The following FHIT variants were observed in gnomAD, a reference collection of about 807,000 sequenced individuals.
The protein encoded by FHIT is fragile histidine triad diadenosine triphosphatase, also known as bis(5'-adenosyl)-triphosphatase.
A neutral mutation model predicts 17.9 loss-of-function variants in FHIT; 19 were observed. The ratio of observed to expected loss-of-function variants is 1.06; its 90% confidence interval spans 0.74 to 1.56. The LOEUF is 1.56. Ranked by LOEUF, FHIT falls within the 40% of genes most tolerant of loss-of-function variation. The pLI is 0.00. For missense variants in FHIT, 248 were observed against 189.2 expected (o/e 1.31, Z -1.82); for synonymous variants, 81 against 69.7 (o/e 1.16, Z -0.81).
chr3:61,066,648 CA>C (rs1317332458), intron 2 of FHIT, among the ~76,000 whole-genome samples: 1 of 151,982 alleles, frequency 6.6e-6, no homozygotes, highest in Non-Finnish European at 1.5e-5. Flanking sequence ...AAGAAAACAG[CA>C]AAAAGTATTA....
intron 4 of FHIT, among the ~76,000 whole-genome samples, chr3:60,803,498 CCT>C (rs1385823850): frequency 6.6e-6 from 1 of 152,136 alleles, no homozygotes; most frequent in African/African-American, 2.4e-5. Flanking sequence ...AGTGATAATC[CCT>C]TAAGGACAAC....
chr3:60,034,269 A>G (rs566961120), intron 5 of FHIT, among the ~76,000 whole-genome samples: 1 of 152,246 alleles, frequency 6.6e-6, no homozygotes, highest in Non-Finnish European at 1.5e-5. Context: ...TGAACATGTC[A>G]TTCAGATGAA....
At chr3:59,903,989 T>C (rs931566966) in intron 8 of FHIT, among the ~76,000 whole-genome samples, 24 of 151,796 alleles carry the variant, frequency 1.6e-4, no homozygotes, top group Non-Finnish European at 2.8e-4. Context: ...ACCCAGGAAG[T>C]ATGAGTTAGT....
intron 1 of FHIT, among the ~76,000 whole-genome samples, chr3:61,240,008 T>C (rs1358725134): frequency 2.0e-5 from 3 of 151,922 alleles, no homozygotes; most frequent in South Asian, 2.1e-4. Context: ...AGCTGTTCCA[T>C]CTGCAACAGG....
At chr3:60,363,118 TC>T (rs1380209054) in intron 5 of FHIT, among the ~76,000 whole-genome samples, 3 of 152,048 alleles carry the variant, frequency 2.0e-5, no homozygotes, top group Non-Finnish European at 2.9e-5. Context: ...GAGTTGGGTA[TC>T]AAAAAATAAA....
At chr3:59,967,739 C>G (rs1237183761) in intron 7 of FHIT, among the ~76,000 whole-genome samples, 1 of 151,594 alleles carries the variant, frequency 6.6e-6, no homozygotes, top group African/African-American at 2.4e-5. Context: ...AAGAATGCTA[C>G]AAAATACAAC....
intron 5 of FHIT, among the ~76,000 whole-genome samples, chr3:60,418,376 G>GTATATA (rs869203310): frequency 2.8e-3 from 42 of 14,914 alleles, no homozygotes; most frequent in African/African-American, 8.1e-3. Context: ...CTGAATGTGT[G>GTATATA]TATATATATA....
At chr3:60,024,762 C>G (rs1700676040) in intron 5 of FHIT, among the ~76,000 whole-genome samples, 1 of 152,230 alleles carries the variant, frequency 6.6e-6, no homozygotes, top group African/African-American at 2.4e-5. Flanking sequence ...GCCCAGTTCA[C>G]TTGGTCTAAC....
chr3:60,159,510 A>C (rs1235002958), intron 5 of FHIT, among the ~76,000 whole-genome samples: 1 of 152,154 alleles, frequency 6.6e-6, no homozygotes. Flanking sequence ...ATTAAATTAT[A>C]AGGGGGTAGA....
chr3:60,886,052 C>A (rs1315005270), intron 3 of FHIT, among the ~76,000 whole-genome samples: 1 of 152,150 alleles, frequency 6.6e-6, no homozygotes, highest in Non-Finnish European at 1.5e-5. Context: ...ATATCTGTTG[C>A]ACAAATGAAT....
At chr3:60,887,274 C>CTTTTG in intron 3 of FHIT, among the ~76,000 whole-genome samples, 1 of 152,250 alleles carries the variant, frequency 6.6e-6, no homozygotes, top group South Asian at 2.1e-4. Flanking sequence ...TCTGTTAGGA[C>CTTTTG]TTTTGTTTTG....
chr3:60,553,544 GA>G (rs2036641406), intron 4 of FHIT, among the ~76,000 whole-genome samples: 2 of 147,054 alleles, frequency 1.4e-5, no homozygotes, highest in South Asian at 2.1e-4. Flanking sequence ...GGGAGAGAGA[GA>G]GAGAGAGAGA....
chr3:60,174,167 C>T (rs1576251813), intron 5 of FHIT, among the ~76,000 whole-genome samples: 1 of 151,546 alleles, frequency 6.6e-6, no homozygotes, highest in South Asian at 2.1e-4. Flanking sequence ...GCCTCAGCCT[C>T]CCGAAGTGCT....
intron 5 of FHIT, among the ~76,000 whole-genome samples, chr3:60,040,392 C>T (rs2106828862): frequency 6.6e-6 from 1 of 152,272 alleles, no homozygotes; most frequent in East Asian, 1.9e-4. Flanking sequence ...GATCCACCCA[C>T]CTCGGCCTCC....
At chr3:60,753,270 C>T (rs1163056719) in intron 4 of FHIT, among the ~76,000 whole-genome samples, 1 of 152,064 alleles carries the variant, frequency 6.6e-6, no homozygotes, top group Non-Finnish European at 1.5e-5. Flanking sequence ...AAAAATAAAG[C>T]TGTGGAGTTA....
intron 2 of FHIT, among the ~76,000 whole-genome samples, chr3:61,151,499 C>T (rs2037387412): frequency 1.3e-5 from 2 of 151,904 alleles, no homozygotes; most frequent in Non-Finnish European, 2.9e-5. Flanking sequence ...AGCTTTTATT[C>T]TAGTATCCCT....
At chr3:60,674,138 C>A (rs2040570655) in intron 4 of FHIT, among the ~76,000 whole-genome samples, 1 of 152,046 alleles carries the variant, frequency 6.6e-6, no homozygotes, top group South Asian at 2.1e-4. Context: ...TTCTACTGAT[C>A]TGTCTTAAAG....
intron 4 of FHIT, among the ~76,000 whole-genome samples, chr3:60,668,611 G>C (rs1357924085): frequency 2.1e-5 from 3 of 139,844 alleles, no homozygotes; most frequent in African/African-American, 8.0e-5. Flanking sequence ...GCCCAGGCTG[G>C]AGTGCAGTGG....
Position 60,909,230 on chromosome 3 carries a change from A to T in FHIT, c.-110-87219T>A, listed in dbSNP as rs1315204524. On this transcript the variant is annotated intron_variant, in intron 3 of 9. Transcript: ENST00000492590. ...CTAAAAATGCAAAAATTAGCCAGGC[A>T]TGGTGGTGTGCACCTGTATTCCCAG... Among the ~76,000 whole-genome samples the T allele has an allele frequency of 2.0e-5, 3 of 152,128 alleles. No individual in the cohort carries two copies. In the East Asian group the frequency reaches 5.8e-4, roughly 29 times the overall value.
Sources: gnomAD v4.1 joint callset for allele counts (sites outside exome capture counted in the v4.1 genomes callset) on GRCh38, gnomAD v4.1.1 for gene constraint, MANE v1.5 for transcripts, NCBI Gene and HGNC (gene_info 2026-07-23, HGNC 2026-07-21) for gene names.